The following DNAJB1 variants were observed in gnomAD, a reference collection of about 807,000 sequenced individuals.
The protein encoded by DNAJB1 is dnaJ homolog subfamily B member 1.
In DNAJB1, 14 loss-of-function variants were observed where a neutral mutation model predicts 24.0. That is an observed-to-expected ratio of 0.58 (90% confidence interval 0.39 to 0.91). The LOEUF (loss-of-function observed/expected upper bound fraction) is 0.91, where lower values mean the gene tolerates loss of function less well. Ranked by LOEUF, DNAJB1 falls within the 40% of genes least tolerant of loss-of-function variation. DNAJB1 has a pLI of 0.00. For missense variants in DNAJB1, 517 were observed against 458.1 expected (o/e 1.13, Z -1.17); for synonymous variants, 262 against 174.4 (o/e 1.50, Z -3.96).
rs376180109 is a variant in DNAJB1 at position 14,516,958 on chromosome 19, G to A, written c.300C>T (p.Ala100=). The change falls in exon 2 of 3, where the codon GCC becomes GCT. Residue 100 remains alanine (A), a synonymous_variant. Transcript: ENST00000254322. The part of the protein sequence containing the change: ...FSYTFHGDPH[A]MFAEFFGGRN... ...TGCCACCGAAGAACTCAGCAAACATGGCATGAGGGTCTCCATGGAATGTGT... is the reference window on the plus strand; with the variant it reads ...TGCCACCGAAGAACTCAGCAAACATAGCATGAGGGTCTCCATGGAATGTGT... 8 of 1,613,404 alleles carry A rather than the reference G, an allele frequency of 5.0e-6. No homozygotes were observed. The African/African-American group carries it at 5.3e-5, about 11-fold the overall frequency.
intron 1 of DNAJB1, among the ~76,000 whole-genome samples, chr19:14,544,421 C>T (rs2073232301): frequency 6.6e-6 from 1 of 152,012 alleles, no homozygotes. Flanking sequence ...AGCCGTTCAG[C>T]CGCATAATTG....
At chr19:14,544,441 C>G (rs1420353902) in intron 1 of DNAJB1, among the ~76,000 whole-genome samples, 1 of 151,974 alleles carries the variant, frequency 6.6e-6, no homozygotes, top group African/African-American at 2.4e-5. Flanking sequence ...GATGCCTGCC[C>G]TCAAAAGTCA....
rs1221092424 is a variant in DNAJB1, at chr19:14,542,361, T to G, written c.-214+7847A>C. Among the ~76,000 whole-genome samples the G allele has an allele frequency of 3.9e-5, 5 of 129,010 alleles. 1 individual carries two copies. The highest frequency in any genetic ancestry group is 8.9e-5 in the African/African-American group (3 of 33,540). The allele number at this position is 129,010 out of a possible 152,430, so 84.6% of individuals were successfully genotyped here. ...CATGCCATAGTGTTTTTTTTTTTTT[T>G]TTTTTTTTTTTTTTTCTGAGATGGA... is the stretch of plus-strand genomic sequence containing the variant. On this transcript the variant is annotated intron_variant, in intron 1 of 3. Transcript: ENST00000676982.
chr19:14,559,952 A>T (rs1016508140), intron 1 of DNAJB1, among the ~76,000 whole-genome samples: 2 of 146,200 alleles, frequency 1.4e-5, no homozygotes, highest in Non-Finnish European at 3.0e-5. Context: ...CTGAGGACTC[A>T]TCCTGCCCAG....
At chr19:14,544,858 C>T (rs193098284) in intron 1 of DNAJB1, among the ~76,000 whole-genome samples, 54 of 152,220 alleles carry the variant, frequency 3.5e-4, no homozygotes, top group East Asian at 1.7e-3. Flanking sequence ...GTCTTGAACT[C>T]ATGGGCTCCA....
chr19:14,530,779 A>G (rs2072613683), upstream of DNAJB1: 2 of 152,236 alleles, frequency 1.3e-5, no homozygotes, highest in African/African-American at 4.8e-5. Context: ...AAATTCTGGC[A>G]AAATACACAT....
upstream of DNAJB1, chr19:14,530,989 C>T (rs1266917902): frequency 3.3e-5 from 5 of 152,114 alleles, no homozygotes; most frequent in Non-Finnish European, 5.9e-5. Flanking sequence ...GCCACCATTC[C>T]GTCTTAATGA....
upstream of DNAJB1, chr19:14,529,698 T>C (rs2072541925): frequency 6.2e-7 from 1 of 1,614,080 alleles, no homozygotes; most frequent in Non-Finnish European, 8.5e-7. Flanking sequence ...GAGGGAGCCA[T>C]GAAGCATTAC....
intron 1 of DNAJB1, among the ~76,000 whole-genome samples, chr19:14,558,348 C>T (rs929081798): frequency 6.6e-6 from 1 of 152,166 alleles, no homozygotes; most frequent in African/African-American, 2.4e-5. Context: ...ACAGTGAAGA[C>T]GGGCTCTGTT....
intron 1 of DNAJB1, among the ~76,000 whole-genome samples, chr19:14,546,169 C>T (rs536972409): frequency 3.2e-3 from 482 of 152,190 alleles, no homozygotes; most frequent in Non-Finnish European, 5.4e-3. Flanking sequence ...ATGGGGGCGG[C>T]GCTGGGGGCT....
Position 14,517,053 on chromosome 19 carries a change from A to G in DNAJB1, c.212-7T>C. 1 of 1,599,388 alleles carries G rather than the reference A, an allele frequency of 6.3e-7. No individual in the cohort carries two copies. Among genetic ancestry groups the G allele is most frequent in the Non-Finnish European group, 8.5e-7 (1 of 1,172,652 alleles). ...GGGCCACTCCCCTTTAGGCCTGAAA[A>G]GCAGATTTAGAAGCAGTCAGATGGC... On this transcript the variant is annotated splice_region_variant and splice_polypyrimidine_tract_variant and intron_variant, in intron 1 of 2. Coordinates refer to ENST00000254322, the MANE Select transcript of DNAJB1 (RefSeq NM_006145.3).
upstream of DNAJB1, chr19:14,530,653 A>C (rs1384293029): frequency 6.6e-6 from 1 of 152,150 alleles, no homozygotes; most frequent in Admixed American, 6.6e-5. Context: ...TGCAAAACAG[A>C]TAGGGGAACT....
At chr19:14,542,347 G>GGTTTT (rs2073124658) in intron 1 of DNAJB1, among the ~76,000 whole-genome samples, 3 of 43,300 alleles carry the variant, frequency 6.9e-5, no homozygotes, top group Admixed American at 3.6e-4. Flanking sequence ...ATGCCATAGT[G>GGTTTT]TTTTTTTTTT....
Position 14,549,100 on chromosome 19 carries a change from G to A in DNAJB1, c.-214+1108C>T, listed in dbSNP as rs150282354. Reference sequence around the variant, plus strand: ...ACAAAAGTTAAAGCCATTTTTAGTCGGTTCAAAAGCCGGCAGTAGACCAGA... The same window carrying A: ...ACAAAAGTTAAAGCCATTTTTAGTCAGTTCAAAAGCCGGCAGTAGACCAGA... On this transcript the variant is annotated intron_variant, in intron 1 of 3. Transcript: ENST00000676982. Among the ~76,000 whole-genome samples the A allele has an allele frequency of 7.1e-3, 1,077 of 151,800 alleles. 11 individuals carry two copies. Among genetic ancestry groups the A allele is most frequent in the African/African-American group, 0.025 (1,044 of 41,374 alleles).
upstream of DNAJB1, among the ~76,000 whole-genome samples, chr19:14,553,194 C>T (rs187860017): frequency 3.2e-4 from 48 of 152,292 alleles, 1 homozygote; most frequent in Admixed American, 3.0e-3. Context: ...CCTGCTCGCT[C>T]GGGGCTCTGC....
chr19:14,537,479 G>C (rs1199387028), intron 1 of DNAJB1, among the ~76,000 whole-genome samples: 1 of 152,060 alleles, frequency 6.6e-6, no homozygotes, highest in Non-Finnish European at 1.5e-5. Flanking sequence ...CTTGAGTGAG[G>C]GCGGTGCTTG....
Position 14,517,001 on chromosome 19 carries a change from T to C in DNAJB1, c.257A>G (p.Asn86Ser), listed in dbSNP as rs369749322. Reference sequence around the variant, plus strand: ...GAATGTGTAGCTGAAAGAGGTACCATTGGCACCACCGCCGCTACCGCCACT... The same window carrying C: ...GAATGTGTAGCTGAAAGAGGTACCACTGGCACCACCGCCGCTACCGCCACT... ...GPSGGSGGGANGTSFSYTFHG... is the reference protein window; with the variant it reads ...GPSGGSGGGASGTSFSYTFHG... Residue 86 changes from asparagine to serine, a missense_variant, in exon 2 of 3, where the codon AAT (asparagine) becomes AGT (serine). By Grantham distance (46) the Asn-to-Ser change is conservative. Coordinates refer to ENST00000254322, the MANE Select transcript of DNAJB1 (RefSeq NM_006145.3). The C allele has an allele frequency of 9.6e-5, 154 of 1,608,566 alleles. No homozygotes were observed. Among genetic ancestry groups the C allele is most frequent in the African/African-American group, 2.9e-4 (22 of 74,840 alleles).
At chr19:14,554,990 G>C (rs1034544700), upstream of DNAJB1, among the ~76,000 whole-genome samples, 15 of 151,558 alleles carry the variant, frequency 9.9e-5, no homozygotes, top group Admixed American at 5.3e-4. Flanking sequence ...TGTTAGCCTG[G>C]CTGGTCTTGA....
chr19:14,516,288 C>A (rs541969362), intron 2 of DNAJB1, 118 bp from the exon 3 acceptor site: 5 of 1,300,146 alleles, frequency 3.8e-6, no homozygotes, highest in African/African-American at 1.5e-5. Flanking sequence ...ACCTGGCCCC[C>A]AAATCTACAC....
Sources: allele counts gnomAD v4.1 joint callset (sites outside exome capture counted in the v4.1 genomes callset), GRCh38; gene constraint gnomAD v4.1.1; transcripts MANE v1.5; gene names NCBI Gene and HGNC (gene_info 2026-07-23, HGNC 2026-07-21).